The following SIPA1L1 variants were observed in gnomAD, a reference collection of about 807,000 sequenced individuals.
SIPA1L1 encodes the protein signal-induced proliferation-associated 1-like protein 1.
In SIPA1L1, 26 loss-of-function variants were observed where a neutral mutation model predicts 162.7. That is an observed-to-expected ratio of 0.16 (90% confidence interval 0.12 to 0.22). SIPA1L1 has a LOEUF of 0.22. SIPA1L1 is among the 10% of genes least tolerant of loss of function. The pLI is 1.00. For missense variants in SIPA1L1, 1,874 were observed against 2,241.0 expected (o/e 0.84, Z 3.31); for synonymous variants, 829 against 837.4 (o/e 0.99, Z 0.17).
intron 4 of SIPA1L1, among the ~76,000 whole-genome samples, chr14:71,570,318 G>T (rs2146961955): frequency 6.6e-6 from 1 of 152,028 alleles, no homozygotes; most frequent in South Asian, 2.1e-4. Flanking sequence ...TGTCACACAA[G>T]TTGGAGTGTA....
At chr14:71,663,887 A>G (rs2043761884) in intron 10 of SIPA1L1, among the ~76,000 whole-genome samples, 1 of 152,218 alleles carries the variant, frequency 6.6e-6, no homozygotes, top group Admixed American at 6.5e-5. Context: ...TGGCCTGTTT[A>G]TAAATCCAAG....
chr14:71,340,216 T>G (rs1210619053), intron 2 of SIPA1L1, among the ~76,000 whole-genome samples: 1 of 152,220 alleles, frequency 6.6e-6, no homozygotes, highest in Non-Finnish European at 1.5e-5. Flanking sequence ...TTCATTCATG[T>G]TGTGCCCAAA....
chr14:71,419,690 G>T (rs1455572183), intron 2 of SIPA1L1, among the ~76,000 whole-genome samples: 1 of 151,538 alleles, frequency 6.6e-6, no homozygotes, highest in African/African-American at 2.4e-5. Context: ...GTAGAGACGG[G>T]GTTTCACCTT....
intron 7 of SIPA1L1, among the ~76,000 whole-genome samples, chr14:71,635,885 A>G (rs1457665676): frequency 6.6e-6 from 1 of 152,232 alleles, no homozygotes; most frequent in Non-Finnish European, 1.5e-5. Flanking sequence ...AAGACCATGC[A>G]AACATGAATC....
chr14:71,435,206 A>G (rs2044282548), intron 2 of SIPA1L1, among the ~76,000 whole-genome samples: 1 of 151,996 alleles, frequency 6.6e-6, no homozygotes, highest in Admixed American at 6.6e-5. Flanking sequence ...TTTAAGTTCT[A>G]GGGTACATGT....
chr14:71,525,941 A>G (rs902153283), intron 3 of SIPA1L1, among the ~76,000 whole-genome samples: 1 of 151,954 alleles, frequency 6.6e-6, no homozygotes, highest in African/African-American at 2.4e-5. Flanking sequence ...TATTGCGTTT[A>G]CCTCCTGCCA....
intron 8 of SIPA1L1, among the ~76,000 whole-genome samples, chr14:71,657,102 C>A (rs1338821352): frequency 6.6e-6 from 1 of 152,158 alleles, no homozygotes; most frequent in African/African-American, 2.4e-5. Context: ...GTAATCCCAG[C>A]ACTTTGGGAG....
chr14:71,525,667 G>A (rs922070985), intron 3 of SIPA1L1, among the ~76,000 whole-genome samples: 1 of 152,108 alleles, frequency 6.6e-6, no homozygotes, highest in African/African-American at 2.4e-5. Flanking sequence ...GAAACTTCCT[G>A]TCTATTTAAT....
intron 19 of SIPA1L1, among the ~76,000 whole-genome samples, chr14:71,728,269 A>T (rs1194750986): frequency 2.0e-5 from 3 of 152,140 alleles, no homozygotes; most frequent in African/African-American, 4.8e-5. Context: ...TTTTTAAGAA[A>T]ATTACAGTTA....
chr14:71,433,861 A>G (rs1447869252), intron 2 of SIPA1L1, among the ~76,000 whole-genome samples: 2 of 152,202 alleles, frequency 1.3e-5, no homozygotes, highest in African/African-American at 4.8e-5. Context: ...CCTTTATTGT[A>G]AGGATTATAT....
At position 71,690,284 on chromosome 14, in the gene SIPA1L1, C is replaced by G. The variant is rs1308470361; in HGVS notation, c.3374+4653C>G. On this transcript the variant is annotated intron_variant, in intron 13 of 23. Coordinates refer to ENST00000381232, the MANE Select transcript of SIPA1L1 (RefSeq NM_001386936.1). ...ATTTTTTTTTTGTGACAGGGTCTCA[C>G]TCTGTCGCAGTGGCATTGATCTTAG... Among the ~76,000 whole-genome samples the G allele has an allele frequency of 7.2e-5, 11 of 152,122 alleles. No homozygotes were observed. The East Asian group carries it at 2.1e-3, about 29-fold the overall frequency.
At chr14:71,584,469 C>T (rs1046391321) in intron 4 of SIPA1L1, among the ~76,000 whole-genome samples, 5 of 152,178 alleles carry the variant, frequency 3.3e-5, no homozygotes, top group African/African-American at 1.2e-4. Context: ...ATGCATCCCC[C>T]GTCATCTTCT....
chr14:71,651,571 C>G (rs1310196552), intron 8 of SIPA1L1, among the ~76,000 whole-genome samples: 1 of 152,106 alleles, frequency 6.6e-6, no homozygotes, highest in African/African-American at 2.4e-5. Context: ...TTCAGTATGT[C>G]CTTAAACTCT....
At chr14:71,650,553 G>C in intron 8 of SIPA1L1, 44 bp downstream of exon 8, 3 of 1,557,108 alleles carry the variant, frequency 1.9e-6, no homozygotes, top group South Asian at 1.1e-5. Context: ...TTTTCCCCCT[G>C]TTGTGCTGTT....
chr14:71,570,465 A>T (rs1032896965), intron 4 of SIPA1L1, among the ~76,000 whole-genome samples: 1 of 152,006 alleles, frequency 6.6e-6, no homozygotes, highest in East Asian at 1.9e-4. Flanking sequence ...GAGTTCTGCC[A>T]TGTTGCCTAG....
chr14:71,661,201 T>C, intron 9 of SIPA1L1, 109 bp from the exon 10 acceptor site: 1 of 1,110,416 alleles, frequency 9.0e-7, no homozygotes, highest in South Asian at 1.5e-5. Flanking sequence ...CCTACCTTCA[T>C]GTGTACTGAT....
At chr14:71,639,736 G>A (rs2041515799) in intron 7 of SIPA1L1, among the ~76,000 whole-genome samples, 2 of 152,104 alleles carry the variant, frequency 1.3e-5, no homozygotes, top group Admixed American at 6.6e-5. Context: ...CATGTGGATC[G>A]GTGGAACAGA....
chr14:71,479,345 G>GTATGTATGTATGTAGGTATGTATGTATA (rs2048150092), intron 2 of SIPA1L1, among the ~76,000 whole-genome samples: 1 of 151,082 alleles, frequency 6.6e-6, no homozygotes, highest in African/African-American at 2.4e-5. Flanking sequence ...AGGTATGTAT[G>GTATGTATGTATGTAGGTATGTATGTATA]TATGTATGTA....
intron 12 of SIPA1L1, among the ~76,000 whole-genome samples, chr14:71,675,051 A>C (rs372215676): frequency 6.6e-6 from 1 of 152,208 alleles, no homozygotes; most frequent in East Asian, 1.9e-4. Flanking sequence ...GCTGGGGTGA[A>C]GAAAACTTTA....
Sources: allele counts gnomAD v4.1 joint callset (sites outside exome capture counted in the v4.1 genomes callset), GRCh38; gene constraint gnomAD v4.1.1; transcripts MANE v1.5; gene names NCBI Gene and HGNC (gene_info 2026-07-23, HGNC 2026-07-21).